The following NOTCH2 variants were observed in gnomAD, a reference collection of about 807,000 sequenced individuals.
NOTCH2 encodes neurogenic locus notch homolog protein 2.
NOTCH2 carries 29 observed loss-of-function variants against 235.8 expected under a neutral mutation model. The observed-to-expected ratio is 0.12, with a 90% confidence interval of 0.09 to 0.17. The LOEUF (loss-of-function observed/expected upper bound fraction) is 0.17. Ranked by LOEUF, NOTCH2 falls within the 10% of genes least tolerant of loss-of-function variation. NOTCH2 has a pLI of 1.00. For synonymous variants in NOTCH2, 1,086 were observed against 1,141.5 expected, an observed-to-expected ratio of 0.95 and a Z score of 0.98; for missense variants, 2,285 against 3,150.2, an observed-to-expected ratio of 0.73 and a Z score of 6.57.
At chr1:119,999,945 AAG>A (rs1296717908) in intron 3 of NOTCH2, among the ~76,000 whole-genome samples, 4 of 121,256 alleles carry the variant, frequency 3.3e-5, no homozygotes, top group African/African-American at 1.7e-4. Flanking sequence ...GAAAGAAAGA[AAG>A]AAAGAAAGAA....
rs1553199316 is a variant in NOTCH2 at position 119,963,776 on chromosome 1, A to G, written c.1713T>C (p.Ile571=). ...GFTGVLCEEN[I]DNCDPDPCHH... Reference sequence around the variant, plus strand: ...GGCAAGGATCGGGGTCACAGTTGTCAATGTTCTCCTCACACAACACACCAG... The same window carrying G: ...GGCAAGGATCGGGGTCACAGTTGTCGATGTTCTCCTCACACAACACACCAG... The change falls in exon 11 of 34, where the codon ATT becomes ATC. Residue 571 remains isoleucine (I), a synonymous_variant. Transcript: ENST00000256646. 1 of 1,614,018 alleles carries G rather than the reference A, an allele frequency of 6.2e-7. No homozygotes were observed. Among genetic ancestry groups the G allele is most frequent in the Non-Finnish European group, 8.5e-7 (1 of 1,179,990 alleles).
chr1:120,016,012 C>CAA (rs1331443173), intron 2 of NOTCH2, among the ~76,000 whole-genome samples: 1 of 125,370 alleles, frequency 8.0e-6, no homozygotes, highest in African/African-American at 3.0e-5. Flanking sequence ...GAAGGAAAAA[C>CAA]AAAAAGAACT....
In NOTCH2 at chr1:119,955,017, T is replaced by C. The variant is rs782404930; in HGVS notation, c.2219+23A>G. Reference sequence around the variant, plus strand: ...GGCTTAACACAGGTCAATAAGAAACTATCACATGGGGCAGCTACTCACCCA... The same window carrying C: ...GGCTTAACACAGGTCAATAAGAAACCATCACATGGGGCAGCTACTCACCCA... On this transcript the variant is annotated intron_variant, in intron 13 of 33. Transcript: ENST00000256646. 8 of 1,612,136 alleles carry C rather than the reference T, an allele frequency of 5.0e-6. No homozygotes were observed. In the African/African-American group the frequency reaches 9.3e-5, roughly 19 times the overall value.
intron 14 of NOTCH2, among the ~76,000 whole-genome samples, chr1:119,951,104 T>C (rs1408784727): frequency 1.3e-5 from 2 of 152,208 alleles, no homozygotes; most frequent in East Asian, 1.9e-4. Flanking sequence ...AAATAACTTC[T>C]CAATAATGAA....
intron 4 of NOTCH2, among the ~76,000 whole-genome samples, chr1:119,988,443 C>A (rs1652104971): frequency 6.6e-6 from 1 of 152,038 alleles, no homozygotes; most frequent in Admixed American, 6.6e-5. Flanking sequence ...ACTGAAGAAG[C>A]CTGAAAAAGA....
chr1:119,943,633 T>C (rs1293255709), intron 17 of NOTCH2, among the ~76,000 whole-genome samples: 1 of 152,154 alleles, frequency 6.6e-6, no homozygotes, highest in Admixed American at 6.5e-5. Flanking sequence ...AAATTCAGCA[T>C]GGAACAATGT....
At chr1:120,023,603 C>T (rs1366415701) in intron 2 of NOTCH2, among the ~76,000 whole-genome samples, 1 of 124,692 alleles carries the variant, frequency 8.0e-6, no homozygotes, top group Non-Finnish European at 1.5e-5. Flanking sequence ...TAATTTTCAA[C>T]TTATTTTGCA....
intron 17 of NOTCH2, among the ~76,000 whole-genome samples, chr1:119,943,363 A>G (rs1447318120): frequency 6.6e-6 from 1 of 152,196 alleles, no homozygotes; most frequent in Non-Finnish European, 1.5e-5. Flanking sequence ...AGAAAGAAGT[A>G]GGCAGAATAA....
chr1:119,961,538 T>C (rs782649214), intron 11 of NOTCH2, among the ~76,000 whole-genome samples: 2 of 152,256 alleles, frequency 1.3e-5, no homozygotes, highest in African/African-American at 4.8e-5. Context: ...TCCTATTCTT[T>C]TCTCCAAAGC....
chr1:119,921,925 TG>T, intron 28 of NOTCH2, 116 bp from the exon 29 acceptor site: 1 of 911,160 alleles, frequency 1.1e-6, no homozygotes. Context: ...TGCAGGGTCT[TG>T]GCCCAGAGAA....
intron 1 of NOTCH2, among the ~76,000 whole-genome samples, chr1:120,066,168 G>C (rs1310977905): frequency 6.6e-6 from 1 of 152,120 alleles, no homozygotes. Context: ...TCTTACGTTA[G>C]CAATTTTTAA....
chr1:119,941,444 T>C, intron 18 of NOTCH2, 82 bp downstream of exon 18: 1 of 990,114 alleles, frequency 1.0e-6, no homozygotes, highest in Non-Finnish European at 1.6e-6. Context: ...TGCTCCACAA[T>C]TCTAGCATTG....
chr1:119,952,993 G>GT (rs1182861546), intron 14 of NOTCH2, among the ~76,000 whole-genome samples: 1 of 152,138 alleles, frequency 6.6e-6, no homozygotes, highest in East Asian at 1.9e-4. Context: ...CTGTAAAACT[G>GT]GAGTCTTAAC....
intron 3 of NOTCH2, among the ~76,000 whole-genome samples, chr1:120,000,910 C>T (rs587731213): frequency 3.8e-4 from 58 of 152,054 alleles, no homozygotes; most frequent in African/African-American, 1.4e-3. Flanking sequence ...AGTGTCCCCA[C>T]CCAAATCTCA....
Position 119,915,146 on chromosome 1 carries a change from A to T in NOTCH2, c.*160T>A. ...TTGCAGATACCCAGTGAAACTGACG[A>T]ATTGCTTCTCTTGCATTATCTGAAT... is the stretch of plus-strand genomic sequence containing the variant. On this transcript the variant is annotated 3_prime_UTR_variant, in exon 34 of 34. Coordinates refer to ENST00000256646, the MANE Select transcript of NOTCH2 (RefSeq NM_024408.4). 1 of 749,124 alleles carries T rather than the reference A, an allele frequency of 1.3e-6. No individual in the cohort carries two copies. Among genetic ancestry groups the T allele is most frequent in the Admixed American group, 2.1e-5 (1 of 47,568 alleles). 46.4% of individuals were successfully genotyped at this position (749,124 alleles called of 1,614,324 possible).
intron 19 of NOTCH2, among the ~76,000 whole-genome samples, chr1:119,940,119 T>C (rs1230282051): frequency 1.3e-5 from 2 of 152,244 alleles, no homozygotes; most frequent in African/African-American, 4.8e-5. Context: ...AAAAGATATG[T>C]AAATTGTTTG....
At chr1:119,918,634 AG>A (rs2101148398) in intron 31 of NOTCH2, 81 bp from the exon 32 acceptor site, 1 of 1,414,904 alleles carries the variant, frequency 7.1e-7, no homozygotes, top group South Asian at 1.2e-5. Flanking sequence ...CAAGGGCATC[AG>A]AGCTGAGGCT....
chr1:119,945,291 A>C (rs1344729949), intron 17 of NOTCH2, among the ~76,000 whole-genome samples: 1 of 152,174 alleles, frequency 6.6e-6, no homozygotes. Flanking sequence ...CAATTATTTC[A>C]AAAGATGTCA....
At chr1:120,065,132 C>A (rs1655456130) in intron 1 of NOTCH2, among the ~76,000 whole-genome samples, 1 of 152,138 alleles carries the variant, frequency 6.6e-6, no homozygotes, top group Non-Finnish European at 1.5e-5. Flanking sequence ...AAACCCCACA[C>A]ACAAAGAAAT....
Sources: allele counts gnomAD v4.1 joint callset (sites outside exome capture counted in the v4.1 genomes callset), GRCh38; gene constraint gnomAD v4.1.1; transcripts MANE v1.5; gene names NCBI Gene and HGNC (gene_info 2026-07-23, HGNC 2026-07-21).